Variants in UNC13D observed in about 807,000 individuals in gnomAD.
UNC13D encodes the protein unc-13 homolog D, also known as protein unc-13 homolog D.
Under a neutral mutation model 151.7 loss-of-function variants are expected in UNC13D, and 115 were observed. The observed-to-expected ratio is 0.76, with a 90% CI of 0.65 to 0.88. The LOEUF is 0.88. Among genes scored for constraint, UNC13D ranks in the 40% least tolerant of loss-of-function variants. The pLI, the probability that UNC13D is intolerant of heterozygous loss-of-function variation, is 0.00. For synonymous variants in UNC13D, 588 were observed against 612.2 expected (o/e 0.96, Z 0.58); for missense variants, 1,369 against 1,438.7 (o/e 0.95, Z 0.78).
Position 75,827,702 on chromosome 17 carries a change from GT to G in UNC13D, c.*262del, listed in dbSNP as rs1157634733. 6.6e-7 allele frequency: 1 copy of G among 1,522,664 alleles called. No individual in the cohort carries two copies. The highest frequency in any genetic ancestry group is 2.5e-5 in the East Asian group (1 of 40,654). The allele number at this position is 1,522,664 out of a possible 1,614,324, so 94.3% of individuals were successfully genotyped here. A position where few individuals can be genotyped will look rare whatever the true frequency, so the allele number is the denominator to read the frequency against. On this transcript the variant is annotated 3_prime_UTR_variant, in exon 32 of 32. Transcript: ENST00000207549. Reference sequence around the variant, plus strand: ...TTTCTGAGAGGCGGGCAGGGGCAGGGTTTGCTCCCCCTGGTGCTGGGATGTG... The same window carrying G: ...TTTCTGAGAGGCGGGCAGGGGCAGGGTTGCTCCCCCTGGTGCTGGGATGTG...
Position 75,827,709 on chromosome 17 carries a change from C to A in UNC13D, c.*256G>T. On this transcript the variant is annotated 3_prime_UTR_variant, in exon 32 of 32. Transcript: ENST00000207549. ...GAGGCGGGCAGGGGCAGGGTTTGCT[C>A]CCCCTGGTGCTGGGATGTGGTAGAG... is the stretch of plus-strand genomic sequence containing the variant. The A allele has an allele frequency of 1.3e-6, 2 of 1,517,146 alleles. No individual in the cohort carries two copies. Among genetic ancestry groups the A allele is most frequent in the South Asian group, 2.4e-5 (2 of 82,622 alleles). 94.0% of individuals were successfully genotyped at this position (1,517,146 alleles called of 1,614,324 possible). A position where few individuals can be genotyped will look rare whatever the true frequency, so the allele number is the denominator to read the frequency against.
At position 75,840,437 on chromosome 17, in the gene UNC13D, C is replaced by A; in HGVS notation, c.753+70G>T. On this transcript the variant is annotated intron_variant, in intron 9 of 31. Coordinates refer to ENST00000207549, the MANE Select transcript of UNC13D (RefSeq NM_199242.3). This position sits in a 1 kb window ranked among gnomAD's most constrained non-coding sequence, Gnocchi z 4.6. ...GCTCAGCTTTGTGAGGACACAGAGC[C>A]TCTCCCCAGAACCCCTCCCAACCCC... 6.2e-7 allele frequency: 1 copy of A among 1,608,972 alleles called. No individual in the cohort carries two copies. Among genetic ancestry groups the A allele is most frequent in the South Asian group, 1.1e-5 (1 of 90,948 alleles).
chr17:75,829,934 G>A (rs2062149535), intron 30 of UNC13D, 94 bp downstream of exon 30: 4 of 1,542,936 alleles, frequency 2.6e-6, no homozygotes, highest in South Asian at 1.2e-5. Flanking sequence ...CATCTCAGGG[G>A]AGCCCCTTGG....
Position 75,836,699 on chromosome 17 carries a change from G to C in UNC13D, c.1174-3C>G, listed in dbSNP as rs766217093. 5.0e-6 allele frequency: 8 copies of C among 1,613,452 alleles called. No individual in the cohort carries two copies. The East Asian group carries it at 1.8e-4, about 36-fold the overall frequency. On this transcript the variant is annotated splice_region_variant and splice_polypyrimidine_tract_variant and intron_variant, in intron 13 of 31. Coordinates refer to ENST00000207549, the MANE Select transcript of UNC13D (RefSeq NM_199242.3). Reference sequence around the variant, plus strand: ...AATGAGGCGGCCAGCTCCTCCTGCTGAAGAGCCAGGAGATGCTTTAGGGGC... The same window carrying C: ...AATGAGGCGGCCAGCTCCTCCTGCTCAAGAGCCAGGAGATGCTTTAGGGGC...
chr17:75,835,287 G>A, intron 20 of UNC13D, 122 bp downstream of exon 20: 1 of 1,408,714 alleles, frequency 7.1e-7, no homozygotes, highest in South Asian at 1.3e-5. Flanking sequence ...CTGGACTCAA[G>A]TGCACCCAAA....
rs765680080 is a variant in UNC13D, at chr17:75,828,861, G to A, written c.3077C>T (p.Pro1026Leu). 8 of 1,597,040 alleles carry A rather than the reference G, an allele frequency of 5.0e-6. No individual in the cohort carries two copies. The highest frequency in any genetic ancestry group is 6.8e-6 in the Non-Finnish European group (8 of 1,174,388). The change falls in exon 31 of 32, where the codon CCC becomes CTC. Residue 1026 changes from proline to leucine, a missense_variant. This residue lies in a region of UNC13D where 807 missense variants were observed against 795.5 expected (regional missense o/e 1.01). Transcript: ENST00000207549. Reference protein sequence around the residue: ...GEAFLPLREVPGLSGSEEPGE... With the variant: ...GEAFLPLREVLGLSGSEEPGE... Reference sequence around the variant, plus strand: ...AGGCTCCTCAGAGCCACTCAGCCCGGGCACCTCACGCAGCGGCAGGAAGGC... The same window carrying A: ...AGGCTCCTCAGAGCCACTCAGCCCGAGCACCTCACGCAGCGGCAGGAAGGC...
At chr17:75,839,420 AAAAGC>A (rs1432495844) in intron 12 of UNC13D, among the ~76,000 whole-genome samples, 2 of 152,142 alleles carry the variant, frequency 1.3e-5, no homozygotes, top group African/African-American at 4.8e-5. Context: ...AAAAAAAAAA[AAAAGC>A]AGCAAAATGA....
At chr17:75,839,112 C>G (rs1355784253) in intron 12 of UNC13D, among the ~76,000 whole-genome samples, 1 of 147,578 alleles carries the variant, frequency 6.8e-6, no homozygotes, top group East Asian at 2.0e-4. Context: ...AAAAAAAAAG[C>G]AGCAAAATGG....
At chr17:75,838,944 C>CA (rs2064928493) in intron 12 of UNC13D, among the ~76,000 whole-genome samples, 1 of 151,884 alleles carries the variant, frequency 6.6e-6, no homozygotes, top group Admixed American at 6.6e-5. Context: ...ACTAAAAATA[C>CA]AAAAAATTAG....
In UNC13D at chr17:75,840,001, C is replaced by G; in HGVS notation, c.951+17G>C. On this transcript the variant is annotated intron_variant, in intron 11 of 31. Transcript: ENST00000207549. This position sits in a 1 kb window ranked among gnomAD's most constrained non-coding sequence, Gnocchi z 4.6. ...GAAGGGCAGCCCCGGCTGCGCCCAGCCCCAGGAGGGCAATACCTCGTGCTG... is the reference window on the plus strand; with the variant it reads ...GAAGGGCAGCCCCGGCTGCGCCCAGGCCCAGGAGGGCAATACCTCGTGCTG... The G allele has an allele frequency of 8.1e-6, 13 of 1,613,464 alleles. No individual in the cohort carries two copies. The highest frequency in any genetic ancestry group is 1.1e-5 in the Non-Finnish European group (13 of 1,179,924).
rs2064958736 is a variant in UNC13D, at chr17:75,842,842, C to G, written c.388+15G>C. On this transcript the variant is annotated intron_variant, in intron 5 of 31. Coordinates refer to ENST00000207549, the MANE Select transcript of UNC13D (RefSeq NM_199242.3). Reference sequence around the variant, plus strand: ...GCCAGGAAGAAGCCCCTTGGGGACCCCACCCCATGCTCACCACTGACATCT... The same window carrying G: ...GCCAGGAAGAAGCCCCTTGGGGACCGCACCCCATGCTCACCACTGACATCT... The G allele has an allele frequency of 1.9e-6, 3 of 1,613,600 alleles. No individual in the cohort carries two copies. Among genetic ancestry groups the G allele is most frequent in the Non-Finnish European group, 2.5e-6 (3 of 1,179,982 alleles).
chr17:75,828,162 G>T lies in UNC13D; in HGVS notation c.3152-76C>A, dbSNP rs1406660468. 2.6e-6 allele frequency: 4 copies of T among 1,526,670 alleles called. No individual in the cohort carries two copies. In the Admixed American group the frequency reaches 5.9e-5, roughly 23 times the overall value. The allele number at this position is 1,526,670 out of a possible 1,614,324, so 94.6% of individuals were successfully genotyped here. Reference sequence around the variant, plus strand: ...TGGTGGTGGCAGAGAAGAGTGTGTGGGGGGGTACACAACACTGCTCCATCT... The same window carrying T: ...TGGTGGTGGCAGAGAAGAGTGTGTGTGGGGGTACACAACACTGCTCCATCT... On this transcript the variant is annotated intron_variant, in intron 31 of 31. Transcript: ENST00000207549.
Position 75,827,986 on chromosome 17 carries a change from A to T in UNC13D, c.3252T>A (p.His1084Gln). 1 of 1,604,888 alleles carries T rather than the reference A, an allele frequency of 6.2e-7. No individual in the cohort carries two copies. The highest frequency in any genetic ancestry group is 1.3e-5 in the African/African-American group (1 of 74,696). The change falls in exon 32 of 32, where the codon CAT (histidine) becomes CAA (glutamine). Residue 1084 changes from histidine to glutamine, a missense_variant. Physicochemically the swap from His to Gln is conservative, Grantham distance 24. Around this residue, in one of 3 missense-constraint regions of UNC13D, gnomAD observed 807 missense variants for 795.5 expected, o/e 1.01. Transcript: ENST00000207549. ...RRHRAKQASQ[H>Q]ALRPAP Reference sequence around the variant, plus strand: ...ACGGCTACGGTGCCGGCCGCAAGGCATGCTGGGAGGCCTGCTTGGCCCGGT... The same window carrying T: ...ACGGCTACGGTGCCGGCCGCAAGGCTTGCTGGGAGGCCTGCTTGGCCCGGT...
Position 75,829,864 on chromosome 17 carries a change from C to A in UNC13D, c.2954+164G>T, listed in dbSNP as rs1419286712. The A allele has an allele frequency of 4.5e-6, 5 of 1,113,402 alleles. No individual in the cohort carries two copies. In the African/African-American group the frequency reaches 6.2e-5, roughly 14 times the overall value. The allele number at this position is 1,113,402 out of a possible 1,614,324, so 69.0% of individuals were successfully genotyped here. On this transcript the variant is annotated intron_variant, in intron 30 of 31. Coordinates refer to ENST00000207549, the MANE Select transcript of UNC13D (RefSeq NM_199242.3). ...AAGTGCTGTGATGACAGGTGTGAGC[C>A]ACCACATCCAGCTGCAAACTCTTGT... is the stretch of plus-strand genomic sequence containing the variant.
At chr17:75,843,679 C>T (rs551211671) in intron 1 of UNC13D, 160 bp from the exon 2 acceptor site, 14 of 1,475,110 alleles carry the variant, frequency 9.5e-6, no homozygotes, top group African/African-American at 1.4e-5. Flanking sequence ...CCCCAGCAGG[C>T]CTCCTGGAGG....
In UNC13D at chr17:75,828,782, C is replaced by T; in HGVS notation, c.3151+5G>A. ...CGCACCACCCTGCCCTGGGCTCAGG[C>T]CTACCGTTGGGTGCGGGGTACGTGA... is the stretch of plus-strand genomic sequence containing the variant. On this transcript the variant is annotated splice_donor_5th_base_variant and intron_variant, in intron 31 of 31. Transcript: ENST00000207549. 6.5e-7 allele frequency: 1 copy of T among 1,533,220 alleles called. No individual in the cohort carries two copies. The highest frequency in any genetic ancestry group is 1.2e-5 in the South Asian group (1 of 83,486). 95.0% of individuals were successfully genotyped at this position (1,533,220 alleles called of 1,614,324 possible). A position where few individuals can be genotyped will look rare whatever the true frequency, so the allele number is the denominator to read the frequency against.
At position 75,840,977 on chromosome 17, in the gene UNC13D, C is replaced by T. The variant is rs755967157; in HGVS notation, c.594G>A (p.Ala198=). The T allele has an allele frequency of 7.6e-5, 123 of 1,613,846 alleles. No homozygotes were observed. Among genetic ancestry groups the T allele is most frequent in the Non-Finnish European group, 9.4e-5 (111 of 1,180,022 alleles). ...CTCACCACATGTCCAGATGAAAGCT[C>T]GCATTGGTGATGTCCTCAAACTCCC... is the stretch of plus-strand genomic sequence containing the variant. ...FILEFEDITN[A]SFHLDMWDLD... The change falls in exon 7 of 32, where the codon GCG becomes GCA. Residue 198 remains alanine, a synonymous_variant. Transcript: ENST00000207549. The surrounding 1 kb of genome is among the most constrained non-coding windows in gnomAD (Gnocchi z 4.6).
At position 75,840,620 on chromosome 17, in the gene UNC13D, G is replaced by A; in HGVS notation, c.684-44C>T. ...CATAAGGGGGACGCAGCAAGGGTCG[G>A]AAGGGATTAGGCTGGAATCCACCCC... is the stretch of plus-strand genomic sequence containing the variant. On this transcript the variant is annotated intron_variant, in intron 8 of 31. Coordinates refer to ENST00000207549, the MANE Select transcript of UNC13D (RefSeq NM_199242.3). This position sits in a 1 kb window ranked among gnomAD's most constrained non-coding sequence, Gnocchi z 4.6. 1 of 1,613,526 alleles carries A rather than the reference G, an allele frequency of 6.2e-7. No homozygotes were observed. The highest frequency in any genetic ancestry group is 1.1e-5 in the South Asian group (1 of 91,078).
intron 1 of UNC13D, chr17:75,844,010 C>A: frequency 1.4e-6 from 2 of 1,425,974 alleles, no homozygotes; most frequent in Non-Finnish European, 1.8e-6. Context: ...AGCCTCAGAC[C>A]ACAGGGCCTG....
Sources: allele counts gnomAD v4.1 joint callset (sites outside exome capture counted in the v4.1 genomes callset), GRCh38; gene constraint gnomAD v4.1.1; regional missense constraint gnomAD v4.1.1; non-coding constraint Gnocchi (gnomAD v3.1); transcripts MANE v1.5; gene names NCBI Gene and HGNC (gene_info 2026-07-23, HGNC 2026-07-21).